MFHAS1: variants seen among roughly 807,000 people sequenced by gnomAD.
MFHAS1 encodes malignant fibrous histiocytoma-amplified sequence 1.
Under a neutral mutation model 70.4 loss-of-function variants are expected in MFHAS1, and 50 were observed. The observed-to-expected ratio is 0.71, with a 90% CI of 0.57 to 0.90. The LOEUF (loss-of-function observed/expected upper bound fraction) is 0.90. Among genes scored for constraint, MFHAS1 ranks in the 40% least tolerant of loss-of-function variants. The pLI is 0.00. For synonymous variants in MFHAS1, 952 were observed against 620.0 expected, an observed-to-expected ratio of 1.54 and a Z score of -7.96; for missense variants, 1,795 against 1,347.6, an observed-to-expected ratio of 1.33 and a Z score of -5.20.
At chr8:8,866,400 C>T (rs1808859631) in intron 1 of MFHAS1, among the ~76,000 whole-genome samples, 1 of 151,734 alleles carries the variant, frequency 6.6e-6, no homozygotes, top group Non-Finnish European at 1.5e-5. Flanking sequence ...CTCACCGTAG[C>T]CTCTGCCGCC....
chr8:8,858,667 C>A (rs80025244), intron 1 of MFHAS1, among the ~76,000 whole-genome samples: 1 of 151,990 alleles, frequency 6.6e-6, no homozygotes, highest in Admixed American at 6.6e-5. Flanking sequence ...GGTTCTAGGG[C>A]CCCCATCCCC....
chr8:8,823,456 G>C (rs1328002150), intron 1 of MFHAS1, among the ~76,000 whole-genome samples: 1 of 152,028 alleles, frequency 6.6e-6, no homozygotes, highest in Non-Finnish European at 1.5e-5. Context: ...GAGTCCTCTG[G>C]GCCTCGTCCC....
At chr8:8,810,138 G>A (rs957305077) in intron 1 of MFHAS1, among the ~76,000 whole-genome samples, 30 of 152,300 alleles carry the variant, frequency 2.0e-4, no homozygotes, top group East Asian at 1.2e-3. Flanking sequence ...AGGCCGAGGC[G>A]GGCAGATTGC....
intron 1 of MFHAS1, among the ~76,000 whole-genome samples, chr8:8,831,851 G>C (rs183668309): frequency 6.6e-6 from 1 of 151,942 alleles, no homozygotes; most frequent in Non-Finnish European, 1.5e-5. Context: ...CACGTGATCC[G>C]TCTGCCTGCC....
chr8:8,822,054 A>G (rs1225525677), intron 1 of MFHAS1: 2 of 152,336 alleles, frequency 1.3e-5, no homozygotes, highest in East Asian at 3.8e-4. Context: ...TGCTATACGC[A>G]AGTGTGTAGC....
intron 1 of MFHAS1, among the ~76,000 whole-genome samples, chr8:8,879,213 G>A (rs1232274870): frequency 6.6e-6 from 1 of 152,146 alleles, no homozygotes; most frequent in Non-Finnish European, 1.5e-5. Flanking sequence ...CTAGCTGGGT[G>A]TGGTGGCACA....
chr8:8,861,062 T>C (rs377656343), intron 1 of MFHAS1, among the ~76,000 whole-genome samples: 131 of 152,342 alleles, frequency 8.6e-4, no homozygotes, highest in African/African-American at 2.9e-3. Flanking sequence ...CACTTAACGT[T>C]TCTTGGGCTG....
At position 8,890,941 on chromosome 8, in the gene MFHAS1, G is replaced by T. The variant is rs777558193; in HGVS notation, c.2118C>A (p.Tyr706Ter). The T allele has an allele frequency of 6.2e-7, 1 of 1,614,056 alleles. No homozygotes were observed. Among genetic ancestry groups the T allele is most frequent in the South Asian group, 1.1e-5 (1 of 91,086 alleles). Reference protein sequence around the residue: ...TEDRLQSALSYLHESGKLLYF... With the variant: ...TEDRLQSALS ...AGAGTAGCTTGCCGCTCTCATGCAG[G>T]TAGGAGAGGGCACTCTGCAGTCGGT... Residue 706 changes from tyrosine (Y) to a stop codon, truncating the protein, a stop_gained, in exon 1 of 3, where the codon TAC (tyrosine) becomes TAA (stop). Transcript: ENST00000276282. LOFTEE classifies it high-confidence loss of function.
chr8:8,797,591 G>A, intron 1 of MFHAS1, 100 bp from the exon 2 acceptor site: 2 of 1,317,722 alleles, frequency 1.5e-6, no homozygotes, highest in Admixed American at 2.2e-5. Context: ...AGGGGGAGAA[G>A]GGCAGAGGTG....
intron 1 of MFHAS1, among the ~76,000 whole-genome samples, chr8:8,879,351 CA>C (rs201586596): frequency 1.4e-5 from 2 of 144,794 alleles, no homozygotes; most frequent in African/African-American, 2.6e-5. Context: ...ACTCCCATCT[CA>C]AAAAAAAAAG....
At chr8:8,810,485 C>A (rs1806505434) in intron 1 of MFHAS1, among the ~76,000 whole-genome samples, 2 of 152,190 alleles carry the variant, frequency 1.3e-5, no homozygotes, top group South Asian at 4.1e-4. Flanking sequence ...GAGAGCAAGT[C>A]CAACCCCTCC....
chr8:8,891,925 G>A lies in MFHAS1; in HGVS notation c.1134C>T (p.Ile378=). 6.2e-7 allele frequency: 1 copy of A among 1,611,030 alleles called. No homozygotes were observed. The highest frequency in any genetic ancestry group is 8.5e-7 in the Non-Finnish European group (1 of 1,178,418). Residue 378 remains isoleucine (I), a synonymous_variant, in exon 1 of 3, where the codon ATC becomes ATT. Transcript: ENST00000276282. This position sits in a 1 kb window ranked among gnomAD's most constrained non-coding sequence, Gnocchi z 5.4. The part of the protein sequence containing the change: ...GLWKIKDNPL[I]QPPYEVCMKG... ...TCATGCAGACCTCGTAGGGGGGCTGGATCAGTGGGTTGTCTTTGATCTTCC... is the reference window on the plus strand; with the variant it reads ...TCATGCAGACCTCGTAGGGGGGCTGAATCAGTGGGTTGTCTTTGATCTTCC...
intron 1 of MFHAS1, among the ~76,000 whole-genome samples, chr8:8,868,521 T>C (rs966202170): frequency 6.6e-6 from 1 of 151,758 alleles, no homozygotes; most frequent in Non-Finnish European, 1.5e-5. Flanking sequence ...CAAACAGATA[T>C]GCACAGTAGG....
At position 8,892,062 on chromosome 8, in the gene MFHAS1, A is replaced by G; in HGVS notation, c.997T>C (p.Tyr333His). Residue 333 changes from tyrosine (Y) to histidine (H), a missense_variant, in exon 1 of 3, where the codon TAC (tyrosine) becomes CAC (histidine). Tyr to His is a moderately conservative substitution (Grantham distance 83). Coordinates refer to ENST00000276282, the MANE Select transcript of MFHAS1 (RefSeq NM_004225.3). The surrounding 1 kb of genome is among the most constrained non-coding windows in gnomAD (Gnocchi z 4.7). ...AGCTCCACGATGGAGTCCGGCAGGT[A>G]GCGGATGCGGTTATTATCCAGCCAC... ...TLWLDNNRIR[Y>H]LPDSIVELTG... The G allele has an allele frequency of 6.2e-7, 1 of 1,613,304 alleles. No individual in the cohort carries two copies. Among genetic ancestry groups the G allele is most frequent in the Non-Finnish European group, 8.5e-7 (1 of 1,179,996 alleles).
chr8:8,848,929 C>T (rs1808135553), intron 1 of MFHAS1, among the ~76,000 whole-genome samples: 1 of 152,134 alleles, frequency 6.6e-6, no homozygotes, highest in Non-Finnish European at 1.5e-5. Context: ...GAGGGATTTA[C>T]TTCTGAATTC....
In MFHAS1 at chr8:8,891,761, C is replaced by G. The variant is rs1162942585; in HGVS notation, c.1298G>C (p.Arg433Thr). ...CCCTCCTCCTGGGCATCCCTCCACTCTCTCCTCGGTGAGGCAGTGGCGCAG... is the reference window on the plus strand; with the variant it reads ...CCCTCCTCCTGGGCATCCCTCCACTGTCTCCTCGGTGAGGCAGTGGCGCAG... ...TLLRHCLTEE[R>T]VEGCPGGGDK... Residue 433 changes from arginine (R) to threonine (T), a missense_variant, in exon 1 of 3, where the codon AGA (arginine) becomes ACA (threonine). Coordinates refer to ENST00000276282, the MANE Select transcript of MFHAS1 (RefSeq NM_004225.3). This position sits in a 1 kb window ranked among gnomAD's most constrained non-coding sequence, Gnocchi z 5.4. 1 of 1,613,336 alleles carries G rather than the reference C, an allele frequency of 6.2e-7. No homozygotes were observed. Among genetic ancestry groups the G allele is most frequent in the Non-Finnish European group, 8.5e-7 (1 of 1,180,042 alleles).
At chr8:8,825,377 T>G (rs1244029077) in intron 1 of MFHAS1, among the ~76,000 whole-genome samples, 6 of 152,230 alleles carry the variant, frequency 3.9e-5, no homozygotes, top group Non-Finnish European at 8.8e-5. Flanking sequence ...TTCACCATGT[T>G]GGCCAGGCTG....
At chr8:8,879,644 T>A (rs1485087869) in intron 1 of MFHAS1, among the ~76,000 whole-genome samples, 2 of 152,160 alleles carry the variant, frequency 1.3e-5, no homozygotes, top group African/African-American at 2.4e-5. Context: ...AAAGCCAGGG[T>A]TCCCCCCAAA....
chr8:8,804,435 T>C (rs1806209477), intron 1 of MFHAS1, among the ~76,000 whole-genome samples: 1 of 152,182 alleles, frequency 6.6e-6, no homozygotes, highest in Non-Finnish European at 1.5e-5. Context: ...ACAACATTCA[T>C]AAACACCCTT....
Sources: gnomAD v4.1 joint callset for allele counts (sites outside exome capture counted in the v4.1 genomes callset) on GRCh38, gnomAD v4.1.1 for gene constraint, Gnocchi (gnomAD v3.1) non-coding constraint, MANE v1.5 for transcripts, NCBI Gene and HGNC (gene_info 2026-07-23, HGNC 2026-07-21) for gene names.